BEND3: variants seen among roughly 807,000 people sequenced by gnomAD.
BEND3 encodes BEN domain containing 3, also known as BEN domain-containing protein 3.
A neutral mutation model predicts 60.1 loss-of-function variants in BEND3; 13 were observed. That is an observed-to-expected ratio of 0.22 (90% CI 0.14 to 0.34). The LOEUF is 0.34. Among genes scored for constraint, BEND3 ranks in the 10% least tolerant of loss-of-function variants. BEND3 has a pLI of 1.00. For missense variants in BEND3, 896 were observed against 1,138.1 expected, an observed-to-expected ratio of 0.79 and a Z score of 3.06; for synonymous variants, 497 against 491.5, an observed-to-expected ratio of 1.01 and a Z score of -0.15.
intron 3 of BEND3, among the ~76,000 whole-genome samples, chr6:107,073,850 C>A (rs1320975138): frequency 1.3e-5 from 2 of 151,724 alleles, no homozygotes; most frequent in Non-Finnish European, 2.9e-5. Flanking sequence ...CACACCACTG[C>A]ACTCCAGCCT....
At chr6:107,105,646 G>T (rs1554237379) in intron 1 of BEND3, among the ~76,000 whole-genome samples, 1 of 152,194 alleles carries the variant, frequency 6.6e-6, no homozygotes, top group African/African-American at 2.4e-5. Flanking sequence ...CTGTGGGCCG[G>T]GGAGTCACAC....
intron 3 of BEND3, among the ~76,000 whole-genome samples, chr6:107,094,447 C>G (rs1250111273): frequency 1.3e-5 from 2 of 151,848 alleles, no homozygotes; most frequent in Non-Finnish European, 2.9e-5. Context: ...CATAGAGAAA[C>G]CCCGTCTCTG....
chr6:107,074,785 T>C (rs1208828996), intron 3 of BEND3, among the ~76,000 whole-genome samples: 1 of 152,036 alleles, frequency 6.6e-6, no homozygotes, highest in African/African-American at 2.4e-5. Context: ...GGATAGTAGA[T>C]GATAACTGAT....
rs1297086575 is a variant in BEND3, at chr6:107,115,210, C to G, written c.-132G>C. 3 of 147,912 alleles carry G rather than the reference C, an allele frequency of 2.0e-5. No individual in the cohort carries two copies. Among genetic ancestry groups the G allele is most frequent in the African/African-American group, 4.9e-5 (2 of 40,592 alleles). 9.2% of individuals were successfully genotyped at this position (147,912 alleles called of 1,614,324 possible). On this transcript the variant is annotated 5_prime_UTR_variant, in exon 1 of 4. Transcript: ENST00000369042. ...CGCGGAGGGCCTGGCCAGGGCGGCC[C>G]GGGGAGGCGCTGGGGGCGGCGGGCG...
intron 1 of BEND3, among the ~76,000 whole-genome samples, chr6:107,103,354 A>G (rs1775739980): frequency 6.6e-6 from 1 of 152,164 alleles, no homozygotes; most frequent in East Asian, 1.9e-4. Context: ...GATGCCTAGC[A>G]TGCCACAGAC....
chr6:107,100,307 A>C (rs1220089861), intron 1 of BEND3, among the ~76,000 whole-genome samples: 5 of 152,146 alleles, frequency 3.3e-5, no homozygotes, highest in Non-Finnish European at 5.9e-5. Context: ...CAGTGGCGCA[A>C]TCTTGGCTCA....
At chr6:107,089,322 C>G (rs1272848446) in intron 3 of BEND3, among the ~76,000 whole-genome samples, 1 of 151,946 alleles carries the variant, frequency 6.6e-6, no homozygotes. Flanking sequence ...TTTTCTCACA[C>G]CTGTAATCCC....
At chr6:107,090,263 C>A (rs1328616541) in intron 3 of BEND3, among the ~76,000 whole-genome samples, 1 of 152,138 alleles carries the variant, frequency 6.6e-6, no homozygotes, top group African/African-American at 2.4e-5. Flanking sequence ...GCACGAGAAT[C>A]ACTTGAACCT....
At chr6:107,103,478 T>C (rs1554236958) in intron 1 of BEND3, among the ~76,000 whole-genome samples, 1 of 152,246 alleles carries the variant, frequency 6.6e-6, no homozygotes, top group African/African-American at 2.4e-5. Flanking sequence ...TCCTGGACTC[T>C]GGAGAACTTC....
At chr6:107,090,351 GTAAA>G (rs1233005138) in intron 3 of BEND3, among the ~76,000 whole-genome samples, 1 of 151,876 alleles carries the variant, frequency 6.6e-6, no homozygotes, top group African/African-American at 2.4e-5. Flanking sequence ...TCTGTCTCAA[GTAAA>G]TAAATAAATA....
intron 1 of BEND3, 147 bp downstream of exon 1, chr6:107,114,943 G>A (rs1770232312): frequency 1.4e-5 from 2 of 147,660 alleles, no homozygotes; most frequent in South Asian, 2.1e-4. Context: ...ACCGGCGGGC[G>A]CGCTCGGAGC....
intron 1 of BEND3, among the ~76,000 whole-genome samples, chr6:107,100,733 G>C (rs1775686150): frequency 6.6e-6 from 1 of 152,216 alleles, no homozygotes; most frequent in Admixed American, 6.5e-5. Context: ...TACCATGACA[G>C]CATGTACATA....
At chr6:107,074,993 C>G (rs1775069632) in intron 3 of BEND3, among the ~76,000 whole-genome samples, 2 of 151,910 alleles carry the variant, frequency 1.3e-5, no homozygotes, top group African/African-American at 2.4e-5. Flanking sequence ...CCCAGCTACT[C>G]AGGAGGCTAA....
At position 107,068,793 on chromosome 6, in the gene BEND3, C is replaced by A. The variant is rs782244760; in HGVS notation, c.2398G>T (p.Glu800Ter). ...VEKMEEVWHY[E>*]CIPSIDERCR... ...CTCTCATCGATGCTGGGGATACATTCGTAGTGCCACACCTCCTCCATCTTC... is the reference window on the plus strand; with the variant it reads ...CTCTCATCGATGCTGGGGATACATTAGTAGTGCCACACCTCCTCCATCTTC... Residue 800 changes from glutamate to a stop codon, truncating the protein, a stop_gained, in exon 4 of 4, where the codon GAA becomes TAA. Transcript: ENST00000369042. LOFTEE classifies it high-confidence loss of function. The surrounding 1 kb of genome is among the most constrained non-coding windows in gnomAD (Gnocchi z 5.8). 1 of 1,613,994 alleles carries A rather than the reference C, an allele frequency of 6.2e-7. No individual in the cohort carries two copies. The highest frequency in any genetic ancestry group is 1.3e-5 in the African/African-American group (1 of 74,934).
chr6:107,094,392 G>A (rs577636383), intron 3 of BEND3, among the ~76,000 whole-genome samples: 146 of 152,006 alleles, frequency 9.6e-4, no homozygotes, highest in Middle Eastern at 3.4e-3. Flanking sequence ...GAGGCTGAGG[G>A]GGGTGGATCA....
intron 1 of BEND3, among the ~76,000 whole-genome samples, chr6:107,113,530 A>G (rs1280326949): frequency 3.3e-5 from 5 of 151,254 alleles, no homozygotes; most frequent in Admixed American, 1.3e-4. Context: ...CAGCTAACCC[A>G]GCAGCAGCAA....
intron 1 of BEND3, among the ~76,000 whole-genome samples, chr6:107,104,832 C>T (rs1475390805): frequency 6.6e-6 from 1 of 151,954 alleles, no homozygotes; most frequent in African/African-American, 2.4e-5. Context: ...CCACATACAG[C>T]TAGTTTTTTA....
Position 107,069,154 on chromosome 6 carries a change from C to G in BEND3, c.2037G>C (p.Arg679Ser), listed in dbSNP as rs782608505. Reference protein sequence around the residue: ...DLTSYAINPERFREEFEGPPL... With the variant: ...DLTSYAINPESFREEFEGPPL... ...GGGGCCCCTCAAACTCCTCCCGGAA[C>G]CTCTCGGGGTTGATTGCATAGCTGG... Residue 679 changes from arginine (R) to serine (S), a missense_variant, in exon 4 of 4, where the codon AGG becomes AGC. Around this residue, in one of 4 missense-constraint regions of BEND3, gnomAD observed 846 missense variants for 1,036.7 expected, o/e 0.82. Transcript: ENST00000369042. 6.2e-7 allele frequency: 1 copy of G among 1,612,668 alleles called. No individual in the cohort carries two copies. The highest frequency in any genetic ancestry group is 8.5e-7 in the Non-Finnish European group (1 of 1,180,018).
At chr6:107,078,207 C>T (rs879996201) in intron 3 of BEND3, among the ~76,000 whole-genome samples, 18 of 152,222 alleles carry the variant, frequency 1.2e-4, no homozygotes, top group Admixed American at 5.9e-4. Flanking sequence ...CATTGATAGA[C>T]GCCTGCCTGT....
Sources: allele counts gnomAD v4.1 joint callset (sites outside exome capture counted in the v4.1 genomes callset), GRCh38; gene constraint gnomAD v4.1.1; regional missense constraint gnomAD v4.1.1; non-coding constraint Gnocchi (gnomAD v3.1); transcripts MANE v1.5; gene names NCBI Gene and HGNC (gene_info 2026-07-23, HGNC 2026-07-21).